The following PCDHGA1 variants were observed in gnomAD, a reference collection of about 807,000 sequenced individuals.
The protein encoded by PCDHGA1 is protocadherin gamma subfamily A, 1.
Under a neutral mutation model 58.0 loss-of-function variants are expected in PCDHGA1, and 32 were observed. That is an observed-to-expected ratio of 0.55 (90% CI 0.42 to 0.74). The LOEUF is 0.74. PCDHGA1 is among the 30% of genes least tolerant of loss of function. PCDHGA1 has a pLI of 0.00. For missense variants in PCDHGA1, 1,205 were observed against 1,182.3 expected (o/e 1.02, Z -0.28); for synonymous variants, 498 against 501.1 (o/e 0.99, Z 0.08).
At chr5:141,497,272 T>G (rs568198729) in intron 2 of PCDHGA1, among the ~76,000 whole-genome samples, 20 of 152,254 alleles carry the variant, frequency 1.3e-4, no homozygotes, top group African/African-American at 4.3e-4. Flanking sequence ...CTAGGCCATT[T>G]ATGTTCCCTC....
chr5:141,421,741 C>A lies in PCDHGA1; in HGVS notation c.2422-73066C>A. 3 of 1,613,902 alleles carry A rather than the reference C, an allele frequency of 1.9e-6. No individual in the cohort carries two copies. The South Asian group carries it at 3.3e-5, about 18-fold the overall frequency. ...GGGCGTGAACTCCCTCCAGAGCTAC[C>A]AGCTCAGCCCTAATAATTACTTTTC... On this transcript the variant is annotated intron_variant, in intron 1 of 3. Transcript: ENST00000517417.
chr5:141,501,621 A>T (rs1348614977), intron 2 of PCDHGA1, among the ~76,000 whole-genome samples: 1 of 152,100 alleles, frequency 6.6e-6, no homozygotes, highest in Non-Finnish European at 1.5e-5. Context: ...ACTCTGGTAT[A>T]GTCTCTCAAC....
chr5:141,476,055 GT>G lies in PCDHGA1; in HGVS notation c.2422-18749del. 6.7e-7 allele frequency: 1 copy of G among 1,503,516 alleles called. No homozygotes were observed. Among genetic ancestry groups the G allele is most frequent in the South Asian group, 1.3e-5 (1 of 75,386 alleles). The allele number at this position is 1,503,516 out of a possible 1,614,324, so 93.1% of individuals were successfully genotyped here. ...GCGCCCAAGCGCTAACCCGCTGAAA[GT>G]TTCTCAGCGAAATCTCAGGGACGAT... On this transcript the variant is annotated intron_variant, in intron 1 of 3. Transcript: ENST00000517417. The surrounding 1 kb of genome is among the most constrained non-coding windows in gnomAD (Gnocchi z 7.6).
chr5:141,384,410 A>G, intron 1 of PCDHGA1: 1 of 1,613,844 alleles, frequency 6.2e-7, no homozygotes, highest in Non-Finnish European at 8.5e-7. Flanking sequence ...GTGTCCTCCT[A>G]TGTCTCCATA....
chr5:141,421,597 AT>A (rs2096587022), intron 1 of PCDHGA1: 1 of 1,613,878 alleles, frequency 6.2e-7, no homozygotes, highest in Non-Finnish European at 8.5e-7. Flanking sequence ...GGAGGTGGAA[AT>A]AATAGATATT....
At chr5:141,413,411 T>TC in intron 1 of PCDHGA1, 1 of 1,614,038 alleles carries the variant, frequency 6.2e-7, no homozygotes, top group Non-Finnish European at 8.5e-7. Flanking sequence ...ACGCAGCTTT[T>TC]CTCTCTGAAC....
At chr5:141,384,074 T>G in intron 1 of PCDHGA1, 1 of 1,601,488 alleles carries the variant, frequency 6.2e-7, no homozygotes, top group Non-Finnish European at 8.5e-7. Flanking sequence ...AACCTACCTT[T>G]TAAATTAGAA....
chr5:141,399,010 G>A (rs1400790755), intron 1 of PCDHGA1: 5 of 1,613,726 alleles, frequency 3.1e-6, no homozygotes, highest in African/African-American at 1.3e-5. Flanking sequence ...TTCAAAGAGC[G>A]GAGAAATTAC....
chr5:141,438,074 T>C (rs963146682), intron 1 of PCDHGA1, among the ~76,000 whole-genome samples: 10 of 152,116 alleles, frequency 6.6e-5, no homozygotes, highest in African/African-American at 2.4e-4. Flanking sequence ...CCATACTTAA[T>C]GGAAAATTAC....
intron 1 of PCDHGA1, among the ~76,000 whole-genome samples, chr5:141,346,748 A>G (rs1247311192): frequency 6.6e-6 from 1 of 152,222 alleles, no homozygotes; most frequent in African/African-American, 2.4e-5. Flanking sequence ...ACTATTTGAA[A>G]TTGTGACTGC....
At chr5:141,475,840 A>G (rs1039073157) in intron 1 of PCDHGA1, 2 of 434,770 alleles carry the variant, frequency 4.6e-6, no homozygotes, top group Non-Finnish European at 8.2e-6. Context: ...TGTCCTGCTC[A>G]GAGAGCCCGG....
chr5:141,405,418 T>C (rs2094662415), intron 1 of PCDHGA1: 1 of 1,508,444 alleles, frequency 6.6e-7, no homozygotes, highest in South Asian at 1.2e-5. Context: ...TTTTTTTGTT[T>C]TTTGTTTTGT....
In PCDHGA1 at chr5:141,510,929, C is replaced by T. The variant is rs1238694958; in HGVS notation, c.2570-18C>T. The T allele has an allele frequency of 3.1e-6, 5 of 1,613,988 alleles. No homozygotes were observed. The highest frequency in any genetic ancestry group is 4.2e-6 in the Non-Finnish European group (5 of 1,179,988). On this transcript the variant is annotated intron_variant, in intron 3 of 3. Coordinates refer to ENST00000517417, the MANE Select transcript of PCDHGA1 (RefSeq NM_018912.3). ...ACCCTAAGTTTAGCTCCCACCTGAT[C>T]TTCCTCTGTCTCTGCAGAAGCTGCT...
intron 1 of PCDHGA1, chr5:141,389,021 A>G: frequency 6.2e-7 from 1 of 1,614,004 alleles, no homozygotes; most frequent in Non-Finnish European, 8.5e-7. Context: ...ACAATGGAGA[A>G]GTGACTTGTA....
At chr5:141,449,631 G>C in intron 1 of PCDHGA1, among the ~76,000 whole-genome samples, 1 of 148,476 alleles carries the variant, frequency 6.7e-6, no homozygotes, top group Middle Eastern at 3.6e-3. Flanking sequence ...TTAAAAAGAT[G>C]TATCTATATA....
intron 1 of PCDHGA1, chr5:141,410,427 A>G (rs746046310): frequency 1.4e-5 from 22 of 1,613,832 alleles, no homozygotes; most frequent in East Asian, 1.1e-4. Flanking sequence ...GTTCCCCCCA[A>G]CTACAGTGAG....
At position 141,370,593 on chromosome 5, in the gene PCDHGA1, C is replaced by T. The variant is rs373364003; in HGVS notation, c.2421+37488C>T. On this transcript the variant is annotated intron_variant, in intron 1 of 3. Coordinates refer to ENST00000517417, the MANE Select transcript of PCDHGA1 (RefSeq NM_018912.3). ...GGGGGATTTACCTACTAGGAACCTG[C>T]GGGTTATTGCAGAGAAGAAATTCTT... is the stretch of plus-strand genomic sequence containing the variant. 26 of 1,613,708 alleles carry T rather than the reference C, an allele frequency of 1.6e-5. No homozygotes were observed. The African/African-American group carries it at 2.8e-4, about 17-fold the overall frequency.
chr5:141,423,260 G>A (rs1402237346), intron 1 of PCDHGA1: 2 of 1,613,996 alleles, frequency 1.2e-6, no homozygotes, highest in South Asian at 1.1e-5. Flanking sequence ...GACCTCGGCA[G>A]CCTCGAGTCT....
intron 1 of PCDHGA1, chr5:141,340,765 G>A (rs753973847): frequency 3.1e-6 from 5 of 1,613,690 alleles, no homozygotes; most frequent in East Asian, 2.2e-5. Flanking sequence ...ACAGAGACTC[G>A]GGCCAGAACG....
Sources: allele counts gnomAD v4.1 joint callset (sites outside exome capture counted in the v4.1 genomes callset), GRCh38; gene constraint gnomAD v4.1.1; non-coding constraint Gnocchi (gnomAD v3.1); transcripts MANE v1.5; gene names NCBI Gene and HGNC (gene_info 2026-07-23, HGNC 2026-07-21).